Variants in YIPF6 observed in about 807,000 individuals in gnomAD.
YIPF6 encodes the protein protein YIPF6.
A neutral mutation model predicts 16.8 loss-of-function variants in YIPF6; 3 were observed. The ratio of observed to expected loss-of-function variants is 0.18; its 90% CI spans 0.08 to 0.46. YIPF6 has a LOEUF of 0.46. Among genes scored for constraint, YIPF6 ranks in the 20% least tolerant of loss-of-function variants. YIPF6 has a pLI of 0.98. For missense variants in YIPF6, 145 were observed against 184.9 expected, an observed-to-expected ratio of 0.78 and a Z score of 1.25; for synonymous variants, 67 against 61.9, an observed-to-expected ratio of 1.08 and a Z score of -0.38.
chrX:68,510,132 A>G lies in YIPF6; in HGVS notation c.58-1717A>G, dbSNP rs779025122. On this transcript the variant is annotated intron_variant, in intron 1 of 6. Coordinates refer to ENST00000462683, the MANE Select transcript of YIPF6 (RefSeq NM_173834.4). Reference sequence around the variant, plus strand: ...ACTCAGTTCTCAGATGAATTCAGGGAAAGTTATGATTCAGTAAAGTATCTA... The same window carrying G: ...ACTCAGTTCTCAGATGAATTCAGGGGAAGTTATGATTCAGTAAAGTATCTA... 2.7e-5 allele frequency among the ~76,000 whole-genome samples: 3 copies of G among 111,460 alleles called. No individual in the cohort carries two copies. In the South Asian group the frequency reaches 1.1e-3, roughly 42 times the overall value.
chrX:68,522,262 G>A (rs2079129256), intron 5 of YIPF6, among the ~76,000 whole-genome samples: 1 of 110,433 alleles, frequency 9.1e-6, no homozygotes, highest in Non-Finnish European at 1.9e-5. Flanking sequence ...TGAGAGGAGA[G>A]GAGGAAGAGT....
chrX:68,525,412 A>G (rs185765338), intron 6 of YIPF6, among the ~76,000 whole-genome samples: 89 of 111,877 alleles, frequency 8.0e-4, no homozygotes, highest in African/African-American at 2.8e-3. Context: ...AGATTGCAAA[A>G]ATTTTTTCCC....
intron 1 of YIPF6, among the ~76,000 whole-genome samples, chrX:68,501,097 G>C (rs2079039644): frequency 8.9e-6 from 1 of 111,913 alleles, no homozygotes; most frequent in Non-Finnish European, 1.9e-5. Context: ...AATGTTTAGT[G>C]AACTCCCACA....
intron 6 of YIPF6, among the ~76,000 whole-genome samples, chrX:68,524,056 C>T (rs184493449): frequency 3.6e-5 from 4 of 111,470 alleles, no homozygotes; most frequent in Non-Finnish European, 3.8e-5. Flanking sequence ...CAGAGCAGCC[C>T]GACGTGAAAA....
chrX:68,499,421 CTTAAG>C (rs745813145), intron 1 of YIPF6, among the ~76,000 whole-genome samples: 24 of 112,063 alleles, frequency 2.1e-4, no homozygotes, highest in Middle Eastern at 4.6e-3. Flanking sequence ...TAGGTGATTT[CTTAAG>C]TTATCTTTTC....
chrX:68,531,275 C>T (rs2079170359), intron 6 of YIPF6, among the ~76,000 whole-genome samples: 1 of 110,727 alleles, frequency 9.0e-6, no homozygotes, highest in Non-Finnish European at 1.9e-5. Flanking sequence ...CAGGTGCCCG[C>T]CACCACACCT....
chrX:68,520,440 C>T (rs1353753298), intron 4 of YIPF6, among the ~76,000 whole-genome samples: 2 of 111,964 alleles, frequency 1.8e-5, no homozygotes, highest in African/African-American at 6.5e-5. Flanking sequence ...AAATCAACAA[C>T]TAAAAAGGTT....
chrX:68,517,858 C>G (rs2079109401), intron 3 of YIPF6, among the ~76,000 whole-genome samples: 1 of 108,281 alleles, frequency 9.2e-6, no homozygotes, highest in South Asian at 4.1e-4. Context: ...CCCAATTATT[C>G]AGGAGGCTGA....
Position 68,531,983 on chromosome X carries a change from C to A in YIPF6, c.695C>A (p.Thr232Asn). ...FYFVISWMIL[T>N]FTPQ is the part of the protein sequence containing the mutation. ...TTTGTCATCAGTTGGATGATTCTCA[C>A]CTTTACTCCTCAGTAAATCAGGAAT... The change falls in exon 7 of 7, where the codon ACC becomes AAC. Residue 232 changes from threonine to asparagine, a missense_variant. Coordinates refer to ENST00000462683, the MANE Select transcript of YIPF6 (RefSeq NM_173834.4). 8.4e-7 allele frequency: 1 copy of A among 1,189,860 alleles called. No individual in the cohort carries two copies. Among genetic ancestry groups the A allele is most frequent in the East Asian group, 3.0e-5 (1 of 33,639 alleles).
chrX:68,509,307 TG>T (rs1295114912), intron 1 of YIPF6, among the ~76,000 whole-genome samples: 3 of 110,292 alleles, frequency 2.7e-5, no homozygotes, highest in Non-Finnish European at 5.7e-5. Context: ...TTTGTAGAGA[TG>T]GGGGTCTCAC....
At chrX:68,517,140 TTTTG>T (rs775526143) in intron 3 of YIPF6, among the ~76,000 whole-genome samples, 2,111 of 106,795 alleles carry the variant, frequency 0.02, 20 homozygotes, top group Non-Finnish European at 0.025. Flanking sequence ...CAGCAGCTGT[TTTTG>T]TTTGTTTGTT....
Position 68,509,915 on chromosome X carries a change from T to C in YIPF6, c.58-1934T>C, listed in dbSNP as rs1438636455. On this transcript the variant is annotated intron_variant, in intron 1 of 6. Transcript: ENST00000462683. The stretch of plus-strand genomic sequence containing the variant: ...TCTATTGCTTCCAGGGATTCTGTAC[T>C]CTTGTGCTGATCCATACTTGGACTT... Among the ~76,000 whole-genome samples, 4 of 111,896 alleles carry C rather than the reference T, an allele frequency of 3.6e-5. No homozygotes were observed. In the East Asian group the frequency reaches 1.1e-3, roughly 31 times the overall value.
In YIPF6 at chrX:68,532,155, C is replaced by T. The variant is rs2079174068; in HGVS notation, c.*156C>T. 2.4e-6 allele frequency: 1 copy of T among 415,117 alleles called. No individual in the cohort carries two copies. The highest frequency in any genetic ancestry group is 4.5e-5 in the Admixed American group (1 of 22,365). The allele number at this position is 415,117 out of a possible 1,213,427, so 34.2% of individuals were successfully genotyped here. Reference sequence around the variant, plus strand: ...TTAAAAGGGAGCCATATAGCACTGTCACCCCTTATTTGAGGAACTGATGTT... The same window carrying T: ...TTAAAAGGGAGCCATATAGCACTGTTACCCCTTATTTGAGGAACTGATGTT... On this transcript the variant is annotated 3_prime_UTR_variant, in exon 7 of 7. Coordinates refer to ENST00000462683, the MANE Select transcript of YIPF6 (RefSeq NM_173834.4).
chrX:68,505,077 G>A (rs2079054632), intron 1 of YIPF6, among the ~76,000 whole-genome samples: 1 of 111,784 alleles, frequency 8.9e-6, no homozygotes, highest in African/African-American at 3.2e-5. Context: ...ACTTGAAAGG[G>A]CAGTGTTATA....
chrX:68,529,380 C>G (rs1433656845), intron 6 of YIPF6, among the ~76,000 whole-genome samples: 1 of 110,213 alleles, frequency 9.1e-6, no homozygotes, highest in African/African-American at 3.3e-5. Flanking sequence ...TTTCTCTAAC[C>G]TTTCTTCAAG....
chrX:68,510,548 T>C (rs2079076387), intron 1 of YIPF6: 1 of 106,234 alleles, frequency 9.4e-6, no homozygotes, highest in Admixed American at 1.0e-4. Context: ...AGAAATTGTT[T>C]TTGTTTTATT....
chrX:68,515,852 G>A (rs192619596), intron 3 of YIPF6, among the ~76,000 whole-genome samples: 32 of 111,601 alleles, frequency 2.9e-4, no homozygotes, highest in Admixed American at 2.7e-3. Context: ...GTCTGGGCAC[G>A]ATGGCTCATG....
At chrX:68,511,378 C>T (rs73634134) in intron 1 of YIPF6, among the ~76,000 whole-genome samples, 11,217 of 111,998 alleles carry the variant, frequency 0.1, 1,224 homozygotes, top group African/African-American at 0.33. Flanking sequence ...CCTGTAAAGA[C>T]TGTAATCAAG....
At position 68,511,890 on chromosome X, in the gene YIPF6, C is replaced by T. The variant is rs754839870; in HGVS notation, c.99C>T (p.Pro33=). The T allele has an allele frequency of 9.9e-6, 12 of 1,207,995 alleles. No homozygotes were observed. Among genetic ancestry groups the T allele is most frequent in the South Asian group, 5.3e-5 (3 of 56,472 alleles). The change falls in exon 2 of 7, where the codon CCC becomes CCT. Residue 33 remains proline, a synonymous_variant. Transcript: ENST00000462683. ...LSDISISQDI[P]VEGEITIPMR... ...ATATATCCATCTCACAAGACATCCC[C>T]GTAGAAGGAGAAATCACCATTCCTA...
Sources: gnomAD v4.1 joint callset for allele counts (sites outside exome capture counted in the v4.1 genomes callset) on GRCh38, gnomAD v4.1.1 for gene constraint, MANE v1.5 for transcripts, NCBI Gene and HGNC (gene_info 2026-07-23, HGNC 2026-07-21) for gene names.